RPL15: variants seen among roughly 807,000 people sequenced by gnomAD.
RPL15 encodes ribosomal protein L15.
For synonymous variants in RPL15, 97 were observed against 95.1 expected (o/e 1.02, Z -0.12); for missense variants, 161 against 271.8 (o/e 0.59, Z 2.87).
chr3:23,920,763 AAAAAG>A lies in RPL15; in HGVS notation c.*1269_*1273del, dbSNP rs1705033922. The A allele has an allele frequency of 2.1e-6, 2 of 972,456 alleles. No individual in the cohort carries two copies. The highest frequency in any genetic ancestry group is 9.5e-5 in the South Asian group (2 of 21,032). 60.2% of individuals were successfully genotyped at this position (972,456 alleles called of 1,614,324 possible). On this transcript the variant is annotated 3_prime_UTR_variant, in exon 4 of 4. Transcript: ENST00000307839. ...TCTTGAGACCTAAATTTCTTCACAA[AAAAAG>A]AAAAGATCTTAAGTCATACATTTTA...
At chr3:23,918,683 A>C in intron 3 of RPL15, 107 bp downstream of exon 3, 2 of 1,337,140 alleles carry the variant, frequency 1.5e-6, no homozygotes, top group South Asian at 2.8e-5. Flanking sequence ...CTCGTATATA[A>C]AACAGGGTTT....
In RPL15 at chr3:23,920,003, G is replaced by T; in HGVS notation, c.*502G>T. The T allele has an allele frequency of 1.0e-6, 1 of 986,838 alleles. No homozygotes were observed. The highest frequency in any genetic ancestry group is 1.2e-6 in the Non-Finnish European group (1 of 830,704). The allele number at this position is 986,838 out of a possible 1,614,324, so 61.1% of individuals were successfully genotyped here. On this transcript the variant is annotated 3_prime_UTR_variant, in exon 4 of 4. Transcript: ENST00000307839. ...AGTACCATTTTAAATTCACATAAAAGGTGAAAGCTCCTGGTTCAGTGCCAT... is the reference window on the plus strand; with the variant it reads ...AGTACCATTTTAAATTCACATAAAATGTGAAAGCTCCTGGTTCAGTGCCAT...
rs147617531 is a variant in RPL15, at chr3:23,920,739, C to T, written c.*1238C>T. On this transcript the variant is annotated 3_prime_UTR_variant, in exon 4 of 4. Coordinates refer to ENST00000307839, the MANE Select transcript of RPL15 (RefSeq NM_002948.5). ...TACTCATAGCAAGTTCATAAAAGTT[C>T]TTGAGACCTAAATTTCTTCACAAAA... The T allele has an allele frequency of 2.5e-4, 240 of 978,798 alleles. No individual in the cohort carries two copies. The East Asian group carries it at 0.02, about 81-fold the overall frequency. 60.6% of individuals were successfully genotyped at this position (978,798 alleles called of 1,614,324 possible).
rs1426261258 is a variant in RPL15, at chr3:23,920,161, GTGGCCATTAGATAAA to G, written c.*662_*676del. Reference sequence around the variant, plus strand: ...GCTAGGGTGGGAAGCTGGTGAGCCAGTGGCCATTAGATAAATACCTTTCAAGTGTGAGCTTAGACG... The same window carrying G: ...GCTAGGGTGGGAAGCTGGTGAGCCAGTACCTTTCAAGTGTGAGCTTAGACG... On this transcript the variant is annotated 3_prime_UTR_variant, in exon 4 of 4. Transcript: ENST00000307839. 1.0e-6 allele frequency: 1 copy of G among 985,730 alleles called. No homozygotes were observed. Among genetic ancestry groups the G allele is most frequent in the African/African-American group, 1.7e-5 (1 of 57,236 alleles). The allele number at this position is 985,730 out of a possible 1,614,324, so 61.1% of individuals were successfully genotyped here. A position where few individuals can be genotyped will look rare whatever the true frequency, so the allele number is the denominator to read the frequency against.
chr3:23,920,509 A>G lies in RPL15; in HGVS notation c.*1008A>G, dbSNP rs1424488217. Reference sequence around the variant, plus strand: ...ACTTTGACTATGAGTATACCACCACATTGCATTTCTGTTTGCACCATGTCT... The same window carrying G: ...ACTTTGACTATGAGTATACCACCACGTTGCATTTCTGTTTGCACCATGTCT... On this transcript the variant is annotated 3_prime_UTR_variant, in exon 4 of 4. Transcript: ENST00000307839. 3 of 984,968 alleles carry G rather than the reference A, an allele frequency of 3.0e-6. No individual in the cohort carries two copies. The highest frequency in any genetic ancestry group is 3.5e-5 in the African/African-American group (2 of 57,220). 61.0% of individuals were successfully genotyped at this position (984,968 alleles called of 1,614,324 possible).
intron 3 of RPL15, 139 bp downstream of exon 3, chr3:23,918,715 G>A (rs2125254124): frequency 9.9e-7 from 1 of 1,009,542 alleles, no homozygotes; most frequent in Non-Finnish European, 1.4e-6. Flanking sequence ...TAATCTTGGT[G>A]AAGAGTAATT....
rs775725406 is a variant in RPL15, at chr3:23,917,925, T to G, written c.66T>G (p.Leu22=). 5 of 1,613,674 alleles carry G rather than the reference T, an allele frequency of 3.1e-6. No individual in the cohort carries two copies. In the Admixed American group the frequency reaches 6.7e-5, roughly 22 times the overall value. The part of the protein sequence containing the change: ...RKKQSDVMRF[L]LRVRCWQYRQ... ...AGCAGTCTGATGTCATGCGCTTTCT[T>G]CTGAGGGTCCGCTGCTGGCAGTACC... Residue 22 remains leucine (L), a synonymous_variant, in exon 2 of 4, where the codon CTT becomes CTG. Coordinates refer to ENST00000307839, the MANE Select transcript of RPL15 (RefSeq NM_002948.5).
chr3:23,918,067 T>C, intron 2 of RPL15, 36 bp downstream of exon 2: 1 of 1,583,248 alleles, frequency 6.3e-7, no homozygotes, highest in South Asian at 1.1e-5. Flanking sequence ...TGGATAAAAT[T>C]ATATTCGAGA....
chr3:23,919,911 T>A lies in RPL15; in HGVS notation c.*410T>A. 1 of 991,516 alleles carries A rather than the reference T, an allele frequency of 1.0e-6. No homozygotes were observed. The highest frequency in any genetic ancestry group is 1.2e-6 in the Non-Finnish European group (1 of 833,868). The allele number at this position is 991,516 out of a possible 1,614,324, so 61.4% of individuals were successfully genotyped here. ...GCTGCGTTTTTTTTAGTTTGGCAGGTGTAGACTTTTTAAGTTGGGCTTTAG... is the reference window on the plus strand; with the variant it reads ...GCTGCGTTTTTTTTAGTTTGGCAGGAGTAGACTTTTTAAGTTGGGCTTTAG... On this transcript the variant is annotated 3_prime_UTR_variant, in exon 4 of 4. Transcript: ENST00000307839.
chr3:23,924,155 T>C (rs1705167998), downstream of RPL15: 1 of 152,240 alleles, frequency 6.6e-6, no homozygotes, highest in Non-Finnish European at 1.5e-5. Flanking sequence ...GCATGAGTGG[T>C]AAGATTTTAT....
Position 23,919,330 on chromosome 3 carries a change from C to G in RPL15, c.444C>G (p.Thr148=). Residue 148 remains threonine (T), a synonymous_variant, in exon 4 of 4, where the codon ACC becomes ACG. Transcript: ENST00000307839. ...AAGCTATCAGAAGAAATCCTGACAC[C>G]CAGTGGATCACCAAACCAGTCCACA... The part of the protein sequence containing the change: ...FHKAIRRNPD[T]QWITKPVHKH... The G allele has an allele frequency of 1.2e-6, 2 of 1,603,054 alleles. No homozygotes were observed. The highest frequency in any genetic ancestry group is 1.7e-6 in the Non-Finnish European group (2 of 1,179,338).
chr3:23,920,200 C>A lies in RPL15; in HGVS notation c.*699C>A, dbSNP rs1216239666. 45 of 985,588 alleles carry A rather than the reference C, an allele frequency of 4.6e-5. No individual in the cohort carries two copies. Among genetic ancestry groups the A allele is most frequent in the Non-Finnish European group, 5.3e-5 (44 of 829,824 alleles). 61.1% of individuals were successfully genotyped at this position (985,588 alleles called of 1,614,324 possible). Reference sequence around the variant, plus strand: ...AATACCTTTCAAGTGTGAGCTTAGACGTCAACCCTAAAATACTTAACCGTA... The same window carrying A: ...AATACCTTTCAAGTGTGAGCTTAGAAGTCAACCCTAAAATACTTAACCGTA... On this transcript the variant is annotated 3_prime_UTR_variant, in exon 4 of 4. Transcript: ENST00000307839.
Position 23,919,920 on chromosome 3 carries a change from T to C in RPL15, c.*419T>C, listed in dbSNP as rs1351770108. The stretch of plus-strand genomic sequence containing the variant: ...TTTTTAGTTTGGCAGGTGTAGACTT[T>C]TTAAGTTGGGCTTTAGAAAATCTGG... On this transcript the variant is annotated 3_prime_UTR_variant, in exon 4 of 4. Coordinates refer to ENST00000307839, the MANE Select transcript of RPL15 (RefSeq NM_002948.5). 1 of 990,268 alleles carries C rather than the reference T, an allele frequency of 1.0e-6. No homozygotes were observed. The highest frequency in any genetic ancestry group is 1.1e-4 in the East Asian group (1 of 8,902). The allele number at this position is 990,268 out of a possible 1,614,324, so 61.3% of individuals were successfully genotyped here. A position where few individuals can be genotyped will look rare whatever the true frequency, so the allele number is the denominator to read the frequency against.
chr3:23,920,856 C>T lies in RPL15; in HGVS notation c.*1355C>T, dbSNP rs748826461. On this transcript the variant is annotated 3_prime_UTR_variant, in exon 4 of 4. Transcript: ENST00000307839. ...TATTAAACTAAAACAAATGGACCTT[C>T]TGTTATTTTTTGTCATCTTACAGTG... The T allele has an allele frequency of 3.4e-6, 3 of 869,838 alleles. No homozygotes were observed. The highest frequency in any genetic ancestry group is 1.2e-4 in the Admixed American group (2 of 16,108). 53.9% of individuals were successfully genotyped at this position (869,838 alleles called of 1,614,324 possible).
Position 23,919,995 on chromosome 3 carries a change from A to C in RPL15, c.*494A>C. ...GCCTCCACAGTACCATTTTAAATTC[A>C]CATAAAAGGTGAAAGCTCCTGGTTC... On this transcript the variant is annotated 3_prime_UTR_variant, in exon 4 of 4. Coordinates refer to ENST00000307839, the MANE Select transcript of RPL15 (RefSeq NM_002948.5). 2 of 986,960 alleles carry C rather than the reference A, an allele frequency of 2.0e-6. No homozygotes were observed. Among genetic ancestry groups the C allele is most frequent in the Non-Finnish European group, 2.4e-6 (2 of 830,756 alleles). 61.1% of individuals were successfully genotyped at this position (986,960 alleles called of 1,614,324 possible).
In RPL15 at chr3:23,917,652, C is replaced by T. The variant is rs914280824; in HGVS notation, c.-10-198C>T. 9 of 570,472 alleles carry T rather than the reference C, an allele frequency of 1.6e-5. No individual in the cohort carries two copies. The South Asian group carries it at 1.7e-4, about 11-fold the overall frequency. 35.3% of individuals were successfully genotyped at this position (570,472 alleles called of 1,614,324 possible). The stretch of plus-strand genomic sequence containing the variant: ...AAAACGTGCCGAGCACCGCTCTGTG[C>T]TGGGGTTGCGGAAGTGACTGAACGC... On this transcript the variant is annotated intron_variant, in intron 1 of 3. Coordinates refer to ENST00000307839, the MANE Select transcript of RPL15 (RefSeq NM_002948.5).
In RPL15 at chr3:23,919,966, C is replaced by T. The variant is rs558283953; in HGVS notation, c.*465C>T. ...TCTGGGTTAGCCTGAAGAAAATTGC[C>T]TCAGCCTCCACAGTACCATTTTAAA... On this transcript the variant is annotated 3_prime_UTR_variant, in exon 4 of 4. Coordinates refer to ENST00000307839, the MANE Select transcript of RPL15 (RefSeq NM_002948.5). 5.1e-6 allele frequency: 5 copies of T among 988,684 alleles called. No individual in the cohort carries two copies. In the African/African-American group the frequency reaches 8.7e-5, roughly 17 times the overall value. The allele number at this position is 988,684 out of a possible 1,614,324, so 61.2% of individuals were successfully genotyped here.
At chr3:23,918,143 G>A in intron 2 of RPL15, 112 bp downstream of exon 2, 1 of 1,332,420 alleles carries the variant, frequency 7.5e-7, no homozygotes. Context: ...TAGGGCTTTG[G>A]CAGAAAAAAG....
In RPL15 at chr3:23,919,619, A is replaced by C; in HGVS notation, c.*118A>C. 1.4e-6 allele frequency: 2 copies of C among 1,423,772 alleles called. No individual in the cohort carries two copies. The highest frequency in any genetic ancestry group is 1.8e-6 in the Non-Finnish European group (2 of 1,093,192). The allele number at this position is 1,423,772 out of a possible 1,614,324, so 88.2% of individuals were successfully genotyped here. A position where few individuals can be genotyped will look rare whatever the true frequency, so the allele number is the denominator to read the frequency against. On this transcript the variant is annotated 3_prime_UTR_variant, in exon 4 of 4. Transcript: ENST00000307839. Reference sequence around the variant, plus strand: ...CAGATGTTTCTTGAATGCTTTGTCAAATTAAGAAAGTTAAAGTGCAATAAT... The same window carrying C: ...CAGATGTTTCTTGAATGCTTTGTCACATTAAGAAAGTTAAAGTGCAATAAT...
Sources: gnomAD v4.1 joint callset for allele counts on GRCh38, gnomAD v4.1.1 for gene constraint, MANE v1.5 for transcripts, NCBI Gene and HGNC (gene_info 2026-07-23, HGNC 2026-07-21) for gene names.